Variants in DKK3 observed in about 807,000 individuals in gnomAD.
DKK3 encodes dickkopf Wnt signaling pathway inhibitor 3.
A neutral mutation model predicts 33.2 loss-of-function variants in DKK3; 22 were observed. That is an observed-to-expected ratio of 0.66 (90% CI 0.47 to 0.95). DKK3 has a LOEUF of 0.95. Ranked by LOEUF, DKK3 falls within the 40% of genes least tolerant of loss-of-function variation. The pLI is 0.00. For synonymous variants in DKK3, 194 were observed against 188.8 expected, an observed-to-expected ratio of 1.03 and a Z score of -0.23; for missense variants, 398 against 458.4, an observed-to-expected ratio of 0.87 and a Z score of 1.20.
intron 3 of DKK3, among the ~76,000 whole-genome samples, chr11:11,971,274 C>A (rs1847720403): frequency 6.6e-6 from 1 of 152,188 alleles, no homozygotes. Flanking sequence ...AAAAATCCCT[C>A]CATGCAGACA....
At chr11:11,990,123 C>A (rs1180598665) in intron 3 of DKK3, among the ~76,000 whole-genome samples, 1 of 152,168 alleles carries the variant, frequency 6.6e-6, no homozygotes, top group Non-Finnish European at 1.5e-5. Flanking sequence ...GATACAAAGA[C>A]CCTATGGTGA....
intron 3 of DKK3, among the ~76,000 whole-genome samples, chr11:11,971,184 T>C (rs1434928317): frequency 6.6e-6 from 1 of 152,206 alleles, no homozygotes; most frequent in African/African-American, 2.4e-5. Flanking sequence ...TTTAAGGCTA[T>C]ATCGTTATAT....
chr11:11,975,144 A>G (rs941032631), intron 3 of DKK3, among the ~76,000 whole-genome samples: 17 of 152,292 alleles, frequency 1.1e-4, no homozygotes, highest in African/African-American at 3.9e-4. Flanking sequence ...TGTTTGGGGT[A>G]CTTTGTGATG....
chr11:11,997,236 T>G (rs545216371), intron 3 of DKK3, among the ~76,000 whole-genome samples: 1 of 152,320 alleles, frequency 6.6e-6, no homozygotes, highest in South Asian at 2.1e-4. Flanking sequence ...GTTTTTTTTT[T>G]GACTTGAGAA....
At chr11:11,984,056 G>A (rs1852895893) in intron 3 of DKK3, among the ~76,000 whole-genome samples, 1 of 152,214 alleles carries the variant, frequency 6.6e-6, no homozygotes, top group African/African-American at 2.4e-5. Flanking sequence ...GTCTGTCTCT[G>A]TGACGAGGAG....
chr11:11,989,382 A>G (rs1848140817), intron 3 of DKK3, among the ~76,000 whole-genome samples: 1 of 152,248 alleles, frequency 6.6e-6, no homozygotes, highest in Admixed American at 6.5e-5. Context: ...ATGTATATAC[A>G]CAAACCATGT....
chr11:11,964,038 T>G lies in DKK3; in HGVS notation c.*426A>C. ...GGAAAGAACTGCGTGGAAAATTCAT[T>G]TGTTGCATTTTTGCCAGGTTGATGT... On this transcript the variant is annotated 3_prime_UTR_variant, in exon 7 of 7. Transcript: ENST00000683431. 5.4e-6 allele frequency: 1 copy of G among 184,014 alleles called. No homozygotes were observed. The highest frequency in any genetic ancestry group is 1.1e-5 in the Non-Finnish European group (1 of 87,656). The allele number at this position is 184,014 out of a possible 1,614,324, so 11.4% of individuals were successfully genotyped here. A position where few individuals can be genotyped will look rare whatever the true frequency, so the allele number is the denominator to read the frequency against.
intron 5 of DKK3, 38 bp from the exon 6 acceptor site, chr11:11,966,003 T>C (rs746810150): frequency 1.0e-5 from 16 of 1,584,450 alleles, no homozygotes; most frequent in Non-Finnish European, 1.4e-5. Context: ...GTGCCCCGTG[T>C]AGGGTAGAAG....
At chr11:11,965,555 C>T (rs1847568703) in intron 6 of DKK3, among the ~76,000 whole-genome samples, 1 of 152,170 alleles carries the variant, frequency 6.6e-6, no homozygotes, top group Admixed American at 6.5e-5. Flanking sequence ...TCTCCATGGA[C>T]CATCCACTCA....
intron 3 of DKK3, among the ~76,000 whole-genome samples, chr11:11,969,379 C>T (rs771717432): frequency 2.0e-5 from 3 of 152,108 alleles, no homozygotes; most frequent in East Asian, 1.9e-4. Flanking sequence ...TCAGGCTTGA[C>T]GGCCCTGATC....
Position 11,967,037 on chromosome 11 carries a change from T to G in DKK3, c.590A>C (p.Lys197Thr). 1 of 1,613,984 alleles carries G rather than the reference T, an allele frequency of 6.2e-7. No homozygotes were observed. The change falls in exon 5 of 7, where the codon AAA becomes ACA. Residue 197 changes from lysine to threonine, a missense_variant. Transcript: ENST00000683431. Reference sequence around the variant, plus strand: ...CCCATTGCTGCCCCTGGTGGCCATTTTGGTGCAGTGACCCCAGACACACAG... The same window carrying G: ...CCCATTGCTGCCCCTGGTGGCCATTGTGGTGCAGTGACCCCAGACACACAG... ...DQLCVWGHCT[K>T]MATRGSNGTI... is the part of the protein sequence containing the mutation.
At chr11:11,979,616 T>A (rs1564912692) in intron 3 of DKK3, 1 of 152,322 alleles carries the variant, frequency 6.6e-6, no homozygotes. Flanking sequence ...TGGGGCTCAC[T>A]GTCCTGGGGT....
Position 11,964,269 on chromosome 11 carries a change from C to T in DKK3, c.*195G>A, listed in dbSNP as rs941078143. On this transcript the variant is annotated 3_prime_UTR_variant, in exon 7 of 7. Coordinates refer to ENST00000683431, the MANE Select transcript of DKK3 (RefSeq NM_001018057.2). The stretch of plus-strand genomic sequence containing the variant: ...TTTAACCCTGCCTGACTCTCCCAAG[C>T]ACCAGACTGTGAAGCCTGGAGAACA... 1.7e-5 allele frequency: 12 copies of T among 706,612 alleles called. No homozygotes were observed. The highest frequency in any genetic ancestry group is 2.6e-5 in the Non-Finnish European group (11 of 427,942). 43.8% of individuals were successfully genotyped at this position (706,612 alleles called of 1,614,324 possible). A position where few individuals can be genotyped will look rare whatever the true frequency, so the allele number is the denominator to read the frequency against.
rs376217112 is a variant in DKK3 at position 11,964,435 on chromosome 11, T to C, written c.*29A>G. On this transcript the variant is annotated 3_prime_UTR_variant, in exon 7 of 7. Coordinates refer to ENST00000683431, the MANE Select transcript of DKK3 (RefSeq NM_001018057.2). ...GGGGAAATAAATTAGCTATTTCTAT[T>C]GCACATCTACCCACAGCCTGGTCCA... 20 of 1,600,924 alleles carry C rather than the reference T, an allele frequency of 1.2e-5. No homozygotes were observed. Among genetic ancestry groups the C allele is most frequent in the Non-Finnish European group, 1.7e-5 (20 of 1,177,042 alleles).
At chr11:11,976,794 A>G (rs1847843365) in intron 3 of DKK3, among the ~76,000 whole-genome samples, 1 of 152,104 alleles carries the variant, frequency 6.6e-6, no homozygotes. Context: ...TTTATCCTAC[A>G]GGATTCCCAA....
intron 3 of DKK3, among the ~76,000 whole-genome samples, chr11:11,986,112 C>T (rs1246364173): frequency 3.3e-5 from 5 of 152,110 alleles, no homozygotes; most frequent in African/African-American, 1.2e-4. Flanking sequence ...CCCAGCCACC[C>T]GGGTACCCCT....
chr11:12,009,046 G>A, upstream of DKK3: 1 of 987,628 alleles, frequency 1.0e-6, no homozygotes, highest in Non-Finnish European at 1.2e-6. Context: ...TACCTGGGGT[G>A]GACCAAGCAC....
At chr11:11,964,816 A>C (rs1847547357) in intron 6 of DKK3, 130 bp from the exon 7 acceptor site, 1 of 1,480,692 alleles carries the variant, frequency 6.8e-7, no homozygotes, top group African/African-American at 1.4e-5. Context: ...TCTTCAACAG[A>C]GACACTTCAC....
chr11:11,988,701 C>T lies in DKK3; in HGVS notation c.435+9995G>A, dbSNP rs896891723. 2.6e-5 allele frequency among the ~76,000 whole-genome samples: 4 copies of T among 152,152 alleles called. No individual in the cohort carries two copies. The South Asian group carries it at 8.3e-4, about 31-fold the overall frequency. ...ACACCATGGAGGGGTAAGGGTGGGG[C>T]TCATAAAGGAGGGTGTGGAGTGGGT... On this transcript the variant is annotated intron_variant, in intron 3 of 6. Coordinates refer to ENST00000683431, the MANE Select transcript of DKK3 (RefSeq NM_001018057.2).
Sources: allele counts gnomAD v4.1 joint callset (sites outside exome capture counted in the v4.1 genomes callset), GRCh38; gene constraint gnomAD v4.1.1; transcripts MANE v1.5; gene names NCBI Gene and HGNC (gene_info 2026-07-23, HGNC 2026-07-21).